The following RNF213 variants were observed in gnomAD, a reference collection of about 807,000 sequenced individuals.
RNF213 encodes the protein ring finger protein 213.
Under a neutral mutation model 514.4 loss-of-function variants are expected in RNF213, and 341 were observed. That is an observed-to-expected ratio of 0.66 (90% confidence interval 0.61 to 0.73). RNF213 has a LOEUF of 0.73. RNF213 is among the 30% of genes least tolerant of loss of function. The pLI is 0.00. For missense variants in RNF213, 5,767 were observed against 6,615.6 expected, an observed-to-expected ratio of 0.87 and a Z score of 4.45; for synonymous variants, 2,655 against 2,658.2, an observed-to-expected ratio of 1.00 and a Z score of 0.04.
intron 7 of RNF213, 71 bp downstream of exon 7, chr17:80,290,799 T>G: frequency 6.4e-7 from 1 of 1,572,530 alleles, no homozygotes; most frequent in Non-Finnish European, 8.7e-7. Flanking sequence ...TGACACGTAG[T>G]TTAAAAAAAT....
At position 80,328,381 on chromosome 17, in the gene RNF213, G is replaced by A; in HGVS notation, c.3421G>A (p.Asp1141Asn). The change falls in exon 20 of 68, where the codon GAT becomes AAT. Residue 1141 changes from aspartate (D) to asparagine (N), a missense_variant. Physicochemically the swap from Asp to Asn is conservative, Grantham distance 23 (BLOSUM62 1). Around this residue, in one of 13 missense-constraint regions of RNF213, gnomAD observed 516 missense variants for 566.5 expected, o/e 0.91. Coordinates refer to ENST00000582970, the MANE Select transcript of RNF213 (RefSeq NM_001256071.3). ...DEQCAVEEAL[D>N]WRREELLLLK... Reference sequence around the variant, plus strand: ...ACAATGTGCTGTGGAGGAAGCACTGGATTGGAGAAGGGAGGAACTGTTACT... The same window carrying A: ...ACAATGTGCTGTGGAGGAAGCACTGAATTGGAGAAGGGAGGAACTGTTACT... 2 of 1,537,212 alleles carry A rather than the reference G, an allele frequency of 1.3e-6. No homozygotes were observed. Among genetic ancestry groups the A allele is most frequent in the Non-Finnish European group, 1.7e-6 (2 of 1,146,894 alleles).
chr17:80,374,594 G>C lies in RNF213; in HGVS notation c.13074+5G>C. 1 of 1,614,122 alleles carries C rather than the reference G, an allele frequency of 6.2e-7. No homozygotes were observed. Among genetic ancestry groups the C allele is most frequent in the Non-Finnish European group, 8.5e-7 (1 of 1,179,984 alleles). ...GGCATTAAGACTGCTCTGAAGGTAG[G>C]ATGGGCCCGTGGCTTCTCTCTGATA... On this transcript the variant is annotated splice_donor_5th_base_variant and intron_variant, in intron 50 of 67. Transcript: ENST00000582970.
In RNF213 at chr17:80,397,063, C is replaced by T. The variant is rs1244563312; in HGVS notation, c.*3565C>T. Reference sequence around the variant, plus strand: ...ACCTGTGCCCTGAAGCGCAACAGAACCTCAACCCAGAGGACAGCCACTTCC... The same window carrying T: ...ACCTGTGCCCTGAAGCGCAACAGAATCTCAACCCAGAGGACAGCCACTTCC... On this transcript the variant is annotated 3_prime_UTR_variant, in exon 68 of 68. Coordinates refer to ENST00000582970, the MANE Select transcript of RNF213 (RefSeq NM_001256071.3). 6.6e-6 allele frequency: 1 copy of T among 152,502 alleles called. No homozygotes were observed. Among genetic ancestry groups the T allele is most frequent in the African/African-American group, 2.4e-5 (1 of 41,454 alleles). 9.4% of individuals were successfully genotyped at this position (152,502 alleles called of 1,614,324 possible). A position where few individuals can be genotyped will look rare whatever the true frequency, so the allele number is the denominator to read the frequency against.
chr17:80,372,923 ATAAATGCCC>A (rs2079572792), intron 48 of RNF213, 43 bp from the exon 49 acceptor site: 1 of 1,574,636 alleles, frequency 6.4e-7, no homozygotes, highest in Non-Finnish European at 8.7e-7. Flanking sequence ...GTGTCCTACA[ATAAATGCCC>A]TAAGTCACCA....
Position 80,377,093 on chromosome 17 carries a change from A to G in RNF213, c.13510+130A>G. ...CAGGGTCCAAAACCACCTGCATTCTACCGGTGGCGTCTGCAGAAGACGAAT... is the reference window on the plus strand; with the variant it reads ...CAGGGTCCAAAACCACCTGCATTCTGCCGGTGGCGTCTGCAGAAGACGAAT... On this transcript the variant is annotated intron_variant, in intron 53 of 67. Coordinates refer to ENST00000582970, the MANE Select transcript of RNF213 (RefSeq NM_001256071.3). This position sits in a 1 kb window ranked among gnomAD's most constrained non-coding sequence, Gnocchi z 4.1. 1.4e-6 allele frequency: 1 copy of G among 712,562 alleles called. No homozygotes were observed. Among genetic ancestry groups the G allele is most frequent in the South Asian group, 1.5e-5 (1 of 66,624 alleles). 44.1% of individuals were successfully genotyped at this position (712,562 alleles called of 1,614,324 possible).
chr17:80,319,485 C>G (rs1490377916), intron 17 of RNF213, 173 bp downstream of exon 17: 8 of 1,614,042 alleles, frequency 5.0e-6, no homozygotes, highest in Non-Finnish European at 6.8e-6. Flanking sequence ...ATCTAGTTCT[C>G]TCCGGATTCC....
rs962176904 is a variant in RNF213 at position 80,372,696 on chromosome 17, G to A, written c.12713G>A (p.Arg4238Lys). ...EVARIRLCLD[R>K]AADFLSEPEG... ...GCCCGGATCCGCCTCTGCCTCGACA[G>A]AGCTGCAGATTTCCTCTCGGAGCCT... is the stretch of plus-strand genomic sequence containing the variant. The change falls in exon 48 of 68, where the codon AGA becomes AAA. Residue 4238 changes from arginine to lysine, a missense_variant. Physicochemically the swap from Arg to Lys is conservative, Grantham distance 26. Around this residue, in one of 13 missense-constraint regions of RNF213, gnomAD observed 1,245 missense variants for 1,339.0 expected, o/e 0.93. Coordinates refer to ENST00000582970, the MANE Select transcript of RNF213 (RefSeq NM_001256071.3). The A allele has an allele frequency of 6.2e-7, 1 of 1,613,906 alleles. No homozygotes were observed.
At chr17:80,272,503 C>T (rs1307755078) in intron 2 of RNF213, among the ~76,000 whole-genome samples, 2 of 152,094 alleles carry the variant, frequency 1.3e-5, no homozygotes, top group East Asian at 1.9e-4. Context: ...GGTGCTAATC[C>T]ATTCCCGAGG....
chr17:80,318,056 C>T (rs899924308), intron 16 of RNF213, among the ~76,000 whole-genome samples: 7 of 152,114 alleles, frequency 4.6e-5, no homozygotes, highest in African/African-American at 1.4e-4. Context: ...GAAGTCAGGA[C>T]GTCTTTCCGA....
At chr17:80,294,517 G>A (rs570705333) in intron 8 of RNF213, among the ~76,000 whole-genome samples, 1 of 152,288 alleles carries the variant, frequency 6.6e-6, no homozygotes, top group African/African-American at 2.4e-5. Context: ...ATGTCTGTTT[G>A]CACGGGGCTG....
At position 80,273,411 on chromosome 17, in the gene RNF213, G is replaced by C; in HGVS notation, c.261+7G>C. 1 of 1,611,894 alleles carries C rather than the reference G, an allele frequency of 6.2e-7. No individual in the cohort carries two copies. ...CTCCTGGACCGTCCAAGAAGTGAGT[G>C]CACTGCCTCGGCTCCCCTCCGCCCC... On this transcript the variant is annotated splice_region_variant and intron_variant, in intron 3 of 67. Coordinates refer to ENST00000582970, the MANE Select transcript of RNF213 (RefSeq NM_001256071.3).
chr17:80,353,046 A>C lies in RNF213; in HGVS notation c.10410A>C (p.Gly3470=). 6.2e-7 allele frequency: 1 copy of C among 1,612,828 alleles called. No homozygotes were observed. The highest frequency in any genetic ancestry group is 8.5e-7 in the Non-Finnish European group (1 of 1,180,028). ...CCATCAGCCAGCTGTTCGCGCCCGG[A>C]GACTTGCCTGAGCGTGAGTCACGAG... is the stretch of plus-strand genomic sequence containing the variant. The part of the protein sequence containing the change: ...HVTISQLFAP[G]DLPELGLEHR... The change falls in exon 33 of 68, where the codon GGA becomes GGC. Residue 3470 remains glycine (G), a synonymous_variant. Coordinates refer to ENST00000582970, the MANE Select transcript of RNF213 (RefSeq NM_001256071.3). The surrounding 1 kb of genome is among the most constrained non-coding windows in gnomAD (Gnocchi z 5.0).
At chr17:80,329,248 G>C (rs74380207) in intron 20 of RNF213, among the ~76,000 whole-genome samples, 21 of 152,248 alleles carry the variant, frequency 1.4e-4, no homozygotes, top group Non-Finnish European at 1.0e-4. Flanking sequence ...AGAAAAGGGC[G>C]TGTAAGAGGT....
chr17:80,266,765 G>A (rs945557588), intron 2 of RNF213, among the ~76,000 whole-genome samples: 1 of 152,012 alleles, frequency 6.6e-6, no homozygotes, highest in Non-Finnish European at 1.5e-5. Flanking sequence ...GCCTCTCAAA[G>A]TGCTGGGATT....
intron 48 of RNF213, 37 bp from the exon 49 acceptor site, chr17:80,372,938 C>A: frequency 6.3e-7 from 1 of 1,597,308 alleles, no homozygotes; most frequent in South Asian, 1.1e-5. Flanking sequence ...TGCCCTAAGT[C>A]ACCAGCCACT....
intron 55 of RNF213, among the ~76,000 whole-genome samples, chr17:80,380,075 G>A (rs556904681): frequency 3.3e-5 from 5 of 152,300 alleles, no homozygotes; most frequent in African/African-American, 9.6e-5. Context: ...CTGGGCATCC[G>A]TCTGTCTCAG....
chr17:80,391,491 C>G (rs111493114), intron 67 of RNF213, among the ~76,000 whole-genome samples: 74 of 152,138 alleles, frequency 4.9e-4, no homozygotes, highest in South Asian at 2.3e-3. Flanking sequence ...AGGCTGGTCT[C>G]GAGCTCCTGA....
chr17:80,344,046 T>C (rs774845683), intron 28 of RNF213, 31 bp downstream of exon 28: 19 of 1,605,406 alleles, frequency 1.2e-5, no homozygotes, highest in Non-Finnish European at 1.5e-5. Flanking sequence ...TCGCCTGGCG[T>C]GGGGGGCTCT....
intron 3 of RNF213, among the ~76,000 whole-genome samples, chr17:80,280,284 A>C (rs1254509244): frequency 2.0e-5 from 3 of 152,204 alleles, no homozygotes; most frequent in African/African-American, 4.8e-5. Context: ...GAGGAGAAGA[A>C]GGCTCGGGCT....
Sources: allele counts gnomAD v4.1 joint callset (sites outside exome capture counted in the v4.1 genomes callset), GRCh38; gene constraint gnomAD v4.1.1; regional missense constraint gnomAD v4.1.1; non-coding constraint Gnocchi (gnomAD v3.1); transcripts MANE v1.5; gene names NCBI Gene and HGNC (gene_info 2026-07-23, HGNC 2026-07-21).